BICRA: variants seen among roughly 807,000 people sequenced by gnomAD.
BICRA encodes BRD4-interacting chromatin-remodeling complex-associated protein.
BICRA carries 31 observed loss-of-function variants against 96.9 expected under a neutral mutation model. The observed-to-expected ratio is 0.32, with a 90% CI of 0.24 to 0.43. The LOEUF is 0.43. BICRA is among the 20% of genes least tolerant of loss of function. The pLI is 1.00. For missense variants in BICRA, 2,283 were observed against 2,190.3 expected (o/e 1.04, Z -0.84); for synonymous variants, 1,350 against 1,071.8 (o/e 1.26, Z -5.07).
At position 47,650,989 on chromosome 19, in the gene BICRA, A is replaced by G. The variant is rs536417501; in HGVS notation, c.-107-19454A>G. ...GCTCTTGGCTCTGCTGTTCCCTTACACTCCTTGGCCAATCCATCTGCAAAC... is the reference window on the plus strand; with the variant it reads ...GCTCTTGGCTCTGCTGTTCCCTTACGCTCCTTGGCCAATCCATCTGCAAAC... On this transcript the variant is annotated intron_variant, in intron 1 of 14. Transcript: ENST00000594866. 2.6e-5 allele frequency among the ~76,000 whole-genome samples: 4 copies of G among 151,228 alleles called. No individual in the cohort carries two copies. In the South Asian group the frequency reaches 8.4e-4, roughly 32 times the overall value.
In BICRA at chr19:47,681,187, A is replaced by G; in HGVS notation, c.2017A>G (p.Ser673Gly). The change falls in exon 6 of 15, where the codon AGC becomes GGC. Residue 673 changes from serine to glycine, a missense_variant. Physicochemically the swap from Ser to Gly is moderately conservative, Grantham distance 56 (BLOSUM62 0). Coordinates refer to ENST00000594866, the MANE Select transcript of BICRA (RefSeq NM_001394372.1). ...CCAGCCCAGCCCTGGCCTGGCGTCTAGCCCGGAGAAGATCGTCCTGGGGCA... is the reference window on the plus strand; with the variant it reads ...CCAGCCCAGCCCTGGCCTGGCGTCTGGCCCGGAGAAGATCGTCCTGGGGCA... ...TPQPSPGLAS[S>G]PEKIVLGQPP... 1 of 1,531,624 alleles carries G rather than the reference A, an allele frequency of 6.5e-7. No individual in the cohort carries two copies. The highest frequency in any genetic ancestry group is 8.7e-7 in the Non-Finnish European group (1 of 1,143,168). 94.9% of individuals were successfully genotyped at this position (1,531,624 alleles called of 1,614,324 possible).
intron 1 of BICRA, among the ~76,000 whole-genome samples, chr19:47,609,967 T>TG (rs79347911): frequency 7.2e-5 from 11 of 151,858 alleles, no homozygotes; most frequent in Admixed American, 2.0e-4. Context: ...GTTACGGGGG[T>TG]GGGGGGGGTG....
rs937258319 is a variant in BICRA, at chr19:47,675,634, C to T, written c.85-217C>T. ...GCAGGATCGCTTCGCAGGCCAGGCTCGGGGACTCAGTGCTGGGGATGCCTT... is the reference window on the plus strand; with the variant it reads ...GCAGGATCGCTTCGCAGGCCAGGCTTGGGGACTCAGTGCTGGGGATGCCTT... On this transcript the variant is annotated intron_variant, in intron 4 of 14. Coordinates refer to ENST00000594866, the MANE Select transcript of BICRA (RefSeq NM_001394372.1). The surrounding 1 kb of genome is among the most constrained non-coding windows in gnomAD (Gnocchi z 4.7). Among the ~76,000 whole-genome samples, 55 of 152,306 alleles carry T rather than the reference C, an allele frequency of 3.6e-4. No homozygotes were observed. The highest frequency in any genetic ancestry group is 1.1e-3 in the African/African-American group (47 of 41,566).
At chr19:47,652,241 A>G (rs1383916664) in intron 1 of BICRA, among the ~76,000 whole-genome samples, 1 of 152,128 alleles carries the variant, frequency 6.6e-6, no homozygotes, top group African/African-American at 2.4e-5. Flanking sequence ...GCTGGAGTGC[A>G]ATCGTGTGAC....
chr19:47,668,776 C>G (rs1030003533), intron 1 of BICRA, among the ~76,000 whole-genome samples: 3 of 152,088 alleles, frequency 2.0e-5, no homozygotes, highest in Non-Finnish European at 2.9e-5. Flanking sequence ...CAGGCATGAG[C>G]CACGGCGCCC....
At chr19:47,640,895 ATTTTTT>A (rs35232398) in intron 1 of BICRA, among the ~76,000 whole-genome samples, 3 of 95,224 alleles carry the variant, frequency 3.2e-5, no homozygotes, top group Non-Finnish European at 5.8e-5. Context: ...TCAGAGTCAG[ATTTTTT>A]TTTTTTTTTT....
In BICRA at chr19:47,680,829, G is replaced by A. The variant is rs760788831; in HGVS notation, c.1659G>A (p.Ala553=). 20 of 1,600,688 alleles carry A rather than the reference G, an allele frequency of 1.2e-5. No homozygotes were observed. Among genetic ancestry groups the A allele is most frequent in the Non-Finnish European group, 1.6e-5 (19 of 1,177,148 alleles). The part of the protein sequence containing the change: ...SAAPIQVGQP[A]LFQMPVSLAA... ...CTCCCATCCAGGTGGGCCAGCCTGC[G>A]CTCTTCCAGATGCCCGTGTCGCTGG... The change falls in exon 6 of 15, where the codon GCG becomes GCA. Residue 553 remains alanine, a synonymous_variant. Coordinates refer to ENST00000594866, the MANE Select transcript of BICRA (RefSeq NM_001394372.1).
chr19:47,667,693 C>T (rs970625343), intron 1 of BICRA, among the ~76,000 whole-genome samples: 2 of 152,148 alleles, frequency 1.3e-5, no homozygotes, highest in Non-Finnish European at 2.9e-5. Context: ...GAAAGCCACT[C>T]GCCACTCCTG....
chr19:47,691,862 A>G (rs987179553), intron 7 of BICRA, among the ~76,000 whole-genome samples: 1 of 152,100 alleles, frequency 6.6e-6, no homozygotes, highest in African/African-American at 2.4e-5. Flanking sequence ...CGGCCAGCCT[A>G]CCCCTTAATA....
intron 1 of BICRA, among the ~76,000 whole-genome samples, chr19:47,616,893 A>G (rs1328452860): frequency 6.7e-6 from 1 of 148,524 alleles, no homozygotes; most frequent in Non-Finnish European, 1.5e-5. Context: ...CAGTGGTGTG[A>G]TCTTGGCTCA....
chr19:47,665,043 A>T (rs1317061174), intron 1 of BICRA, among the ~76,000 whole-genome samples: 2 of 62,852 alleles, frequency 3.2e-5, no homozygotes, highest in Non-Finnish European at 6.7e-5. Context: ...CCGCCCCCCC[A>T]CTCTGCAACC....
chr19:47,620,966 A>G (rs1268026783), intron 1 of BICRA, among the ~76,000 whole-genome samples: 1 of 152,024 alleles, frequency 6.6e-6, no homozygotes, highest in Non-Finnish European at 1.5e-5. Context: ...GTCTACGGCC[A>G]TTGCTTGTCC....
chr19:47,633,161 A>G (rs1277324968), intron 1 of BICRA, among the ~76,000 whole-genome samples: 3 of 146,454 alleles, frequency 2.0e-5, no homozygotes, highest in East Asian at 2.0e-4. Context: ...GCTCACTGCA[A>G]CCTCCACCTC....
chr19:47,694,933 G>A lies in BICRA; in HGVS notation c.2929G>A (p.Gly977Arg), dbSNP rs779284186. 10 of 1,524,878 alleles carry A rather than the reference G, an allele frequency of 6.6e-6. No individual in the cohort carries two copies. Among genetic ancestry groups the A allele is most frequent in the Non-Finnish European group, 8.7e-6 (10 of 1,143,210 alleles). 94.5% of individuals were successfully genotyped at this position (1,524,878 alleles called of 1,614,324 possible). A position where few individuals can be genotyped will look rare whatever the true frequency, so the allele number is the denominator to read the frequency against. ...CGGAATCATCCTCCAGAACAAGGCT[G>A]GGGGGGCCCCTGCCGCCCCGCAGAC... ...PSGIILQNKA[G>R]GAPAAPQTST... The change falls in exon 9 of 15, where the codon GGG becomes AGG. Residue 977 changes from glycine (G) to arginine (R), a missense_variant. Gly to Arg is a moderately radical substitution (Grantham distance 125, BLOSUM62 -2). Transcript: ENST00000594866.
rs765138718 is a variant in BICRA at position 47,679,341 on chromosome 19, C to T, written c.171C>T (p.Ser57=). The change falls in exon 6 of 15, where the codon TCC becomes TCT. Residue 57 remains serine (S), a synonymous_variant. Coordinates refer to ENST00000594866, the MANE Select transcript of BICRA (RefSeq NM_001394372.1). The part of the protein sequence containing the change: ...EGPGLHVQEA[S]GNHLNPEPNQ... ...TGCAGCTCCATGTGCAAGAAGCTTCCGGCAACCACCTGAACCCAGAGCCCA... is the reference window on the plus strand; with the variant it reads ...TGCAGCTCCATGTGCAAGAAGCTTCTGGCAACCACCTGAACCCAGAGCCCA... 79 of 1,427,002 alleles carry T rather than the reference C, an allele frequency of 5.5e-5. No homozygotes were observed. In the East Asian group the frequency reaches 1.4e-3, roughly 26 times the overall value. 88.4% of individuals were successfully genotyped at this position (1,427,002 alleles called of 1,614,324 possible).
intron 1 of BICRA, among the ~76,000 whole-genome samples, chr19:47,655,331 G>A (rs1972598390): frequency 6.6e-6 from 1 of 151,744 alleles, no homozygotes; most frequent in African/African-American, 2.4e-5. Flanking sequence ...TTCGAGACCA[G>A]CCTGGCCAAC....
intron 1 of BICRA, among the ~76,000 whole-genome samples, chr19:47,619,695 C>T (rs536103335): frequency 1.1e-4 from 17 of 152,132 alleles, no homozygotes; most frequent in Admixed American, 5.9e-4. Context: ...GCCGGGAGTC[C>T]GAGACCAGCC....
At chr19:47,700,888 G>A (rs1973430092) in intron 14 of BICRA, 3 of 176,676 alleles carry the variant, frequency 1.7e-5, no homozygotes, top group African/African-American at 7.2e-5. Context: ...AAAAAGTTAT[G>A]TATATAATTA....
rs113207100 is a variant in BICRA at position 47,678,461 on chromosome 19, G to A, written c.151-860G>A. On this transcript the variant is annotated intron_variant, in intron 5 of 14. Coordinates refer to ENST00000594866, the MANE Select transcript of BICRA (RefSeq NM_001394372.1). ...GTCAGCTGGTAGAGATTGGGGGACA[G>A]CACCCCCGCGGGCTTGGGCTGGATG... is the stretch of plus-strand genomic sequence containing the variant. 1.9e-3 allele frequency among the ~76,000 whole-genome samples: 294 copies of A among 152,214 alleles called. 3 individuals carry two copies. The highest frequency in any genetic ancestry group is 6.9e-3 in the African/African-American group (287 of 41,538).
Sources: allele counts gnomAD v4.1 joint callset (sites outside exome capture counted in the v4.1 genomes callset), GRCh38; gene constraint gnomAD v4.1.1; non-coding constraint Gnocchi (gnomAD v3.1); transcripts MANE v1.5; gene names NCBI Gene and HGNC (gene_info 2026-07-23, HGNC 2026-07-21).